The following CARS1 variants were observed in gnomAD, a reference collection of about 807,000 sequenced individuals.
CARS1 encodes cysteinyl-tRNA synthetase 1, also known as cysteine--tRNA ligase, cytoplasmic.
In CARS1, 48 loss-of-function variants were observed where a neutral mutation model predicts 106.2. That is an observed-to-expected ratio of 0.45 (90% CI 0.36 to 0.57). CARS1 has a LOEUF of 0.57. CARS1 is among the 20% of genes least tolerant of loss of function. The pLI, the probability that CARS1 is intolerant of heterozygous loss-of-function variation, is 0.00. For missense variants in CARS1, 968 were observed against 1,057.2 expected (o/e 0.92, Z 1.17); for synonymous variants, 409 against 403.4 (o/e 1.01, Z -0.17).
chr11:3,028,339 C>G lies in CARS1; in HGVS notation c.1031+657G>C. On this transcript the variant is annotated intron_variant, in intron 9 of 22. Coordinates refer to ENST00000380525, the MANE Select transcript of CARS1 (RefSeq NM_001014437.3). This position sits in a 1 kb window ranked among gnomAD's most constrained non-coding sequence, Gnocchi z 4.4. The stretch of plus-strand genomic sequence containing the variant: ...CCGCGTCTTGGTGGTAGTGGTCCCC[C>G]GGGCCCAGCTGTCTTCTCTTTTATC... 4 of 487,272 alleles carry G rather than the reference C, an allele frequency of 8.2e-6. No homozygotes were observed. Among genetic ancestry groups the G allele is most frequent in the Non-Finnish European group, 1.5e-5 (4 of 272,456 alleles). 30.2% of individuals were successfully genotyped at this position (487,272 alleles called of 1,614,324 possible).
At chr11:3,026,927 G>T in intron 9 of CARS1, 130 bp from the exon 10 acceptor site, 1 of 1,027,960 alleles carries the variant, frequency 9.7e-7, no homozygotes, top group Non-Finnish European at 1.4e-6. Flanking sequence ...CTCTGTGGTG[G>T]CCACTGAAAA....
At position 3,015,845 on chromosome 11, in the gene CARS1, A is replaced by G. The variant is rs1850937022; in HGVS notation, c.1922T>C (p.Phe641Ser). The change falls in exon 17 of 23, where the codon TTT becomes TCT. Residue 641 changes from phenylalanine to serine, a missense_variant. Phe to Ser is a radical substitution (Grantham distance 155). Transcript: ENST00000380525. ...GGAGCTGTCCTCTTCTACGGCCCCAAAGATCTAGGAAAAGAAACAGATGGG... is the reference window on the plus strand; with the variant it reads ...GGAGCTGTCCTCTTCTACGGCCCCAGAGATCTAGGAAAAGAAACAGATGGG... ...ALYLTHMLKI[F>S]GAVEEDSSLG... The G allele has an allele frequency of 6.2e-7, 1 of 1,613,916 alleles. No individual in the cohort carries two copies.
rs561678415 is a variant in CARS1 at position 3,021,776 on chromosome 11, A to C, written c.1154-1444T>G. Among the ~76,000 whole-genome samples the C allele has an allele frequency of 2.6e-5, 4 of 152,232 alleles. No homozygotes were observed. Among genetic ancestry groups the C allele is most frequent in the Admixed American group, 6.5e-5 (1 of 15,280 alleles). The stretch of plus-strand genomic sequence containing the variant: ...ATCCAGATCTATCCACCAACACGGA[A>C]GGCCGCTGTCCTGGCTTCCTTCTAC... On this transcript the variant is annotated intron_variant, in intron 10 of 22. Coordinates refer to ENST00000380525, the MANE Select transcript of CARS1 (RefSeq NM_001014437.3). This position sits in a 1 kb window ranked among gnomAD's most constrained non-coding sequence, Gnocchi z 5.3.
intron 9 of CARS1, 44 bp from the exon 10 acceptor site, chr11:3,026,841 C>A (rs568915202): frequency 1.3e-6 from 2 of 1,580,080 alleles, no homozygotes; most frequent in Admixed American, 1.8e-5. Flanking sequence ...CTAACAGACC[C>A]GAAAGTGTGT....
At chr11:3,056,582 C>A (rs1436613250) in intron 1 of CARS1, among the ~76,000 whole-genome samples, 1 of 152,144 alleles carries the variant, frequency 6.6e-6, no homozygotes, top group Non-Finnish European at 1.5e-5. Context: ...GGACTGCCTG[C>A]GGAACTGGAG....
rs368102604 is a variant in CARS1 at position 3,040,880 on chromosome 11, C to A, written c.455+16G>T. ...GCAACTGCAGAAGCTGCAGGGACAC[C>A]CCGCGGTGGACCTACCTGGCGTGCC... On this transcript the variant is annotated intron_variant, in intron 4 of 22. Transcript: ENST00000380525. This position sits in a 1 kb window ranked among gnomAD's most constrained non-coding sequence, Gnocchi z 5.8. 6.7e-5 allele frequency: 108 copies of A among 1,612,134 alleles called. No individual in the cohort carries two copies. Among genetic ancestry groups the A allele is most frequent in the Non-Finnish European group, 8.7e-5 (103 of 1,179,062 alleles).
chr11:3,009,382 G>A (rs1437211207), intron 18 of CARS1: 1 of 152,272 alleles, frequency 6.6e-6, no homozygotes, highest in East Asian at 1.9e-4. Context: ...GGTCCCTGGA[G>A]TAGTAAAATC....
chr11:3,009,954 C>A (rs974550971), intron 18 of CARS1, among the ~76,000 whole-genome samples: 1 of 152,182 alleles, frequency 6.6e-6, no homozygotes, highest in Non-Finnish European at 1.5e-5. Flanking sequence ...CACGCTGCCC[C>A]GTCGGAAGGT....
chr11:3,018,315 C>A (rs1031416856), intron 14 of CARS1, 93 bp downstream of exon 14: 5 of 800,260 alleles, frequency 6.2e-6, no homozygotes, highest in Non-Finnish European at 1.0e-5. Flanking sequence ...TTAGAGACAT[C>A]GGGAGGCTGG....
chr11:3,015,342 C>T (rs376605857), intron 17 of CARS1, among the ~76,000 whole-genome samples: 5 of 152,228 alleles, frequency 3.3e-5, no homozygotes, highest in African/African-American at 7.2e-5. Context: ...CCATGGGGAC[C>T]GAGGCAGACA....
chr11:3,038,065 G>A lies in CARS1; in HGVS notation c.786C>T (p.Val262=). The A allele has an allele frequency of 6.2e-7, 1 of 1,613,458 alleles. No individual in the cohort carries two copies. Among genetic ancestry groups the A allele is most frequent in the South Asian group, 1.1e-5 (1 of 91,066 alleles). ...GAAGCCTCACCTCCACACAGCTGTT[G>A]ACTTCCTCTCCCGTGAGTCTGGACT... is the stretch of plus-strand genomic sequence containing the variant. ...AVQSRLTGEE[V]NSCVEVLLEE... Residue 262 remains valine, a synonymous_variant, in exon 7 of 23, where the codon GTC becomes GTT. Transcript: ENST00000380525. The surrounding 1 kb of genome is among the most constrained non-coding windows in gnomAD (Gnocchi z 4.0).
At chr11:3,012,872 T>C (rs2134120743) in intron 17 of CARS1, among the ~76,000 whole-genome samples, 1 of 150,652 alleles carries the variant, frequency 6.6e-6, no homozygotes, top group East Asian at 1.9e-4. Context: ...AAAACCTTTC[T>C]ACTATATTTC....
Position 3,028,178 on chromosome 11 carries a change from G to A in CARS1, c.1031+818C>T, listed in dbSNP as rs1015337211. The A allele has an allele frequency of 3.2e-6, 1 of 315,246 alleles. No homozygotes were observed. Among genetic ancestry groups the A allele is most frequent in the Admixed American group, 4.5e-5 (1 of 22,318 alleles). 19.5% of individuals were successfully genotyped at this position (315,246 alleles called of 1,614,324 possible). A position where few individuals can be genotyped will look rare whatever the true frequency, so the allele number is the denominator to read the frequency against. On this transcript the variant is annotated intron_variant, in intron 9 of 22. Coordinates refer to ENST00000380525, the MANE Select transcript of CARS1 (RefSeq NM_001014437.3). This position sits in a 1 kb window ranked among gnomAD's most constrained non-coding sequence, Gnocchi z 4.4. ...CTGCCTTGGCTGCCAGGCAGGGAAG[G>A]GCCCCCTGTCCAGTGGACACGTGAC...
intron 16 of CARS1, among the ~76,000 whole-genome samples, chr11:3,016,762 G>A (rs1398889928): frequency 6.6e-6 from 1 of 152,010 alleles, no homozygotes; most frequent in Non-Finnish European, 1.5e-5. Context: ...ACAGGTGTGT[G>A]CCACCACACC....
Position 3,046,371 on chromosome 11 carries a change from G to C in CARS1, c.274+1382C>G, listed in dbSNP as rs1855079380. Among the ~76,000 whole-genome samples, 1 of 152,126 alleles carries C rather than the reference G, an allele frequency of 6.6e-6. No homozygotes were observed. The highest frequency in any genetic ancestry group is 2.1e-4 in the South Asian group (1 of 4,828). ...TGTCTTGGAATGGCACATGGCAGGG[G>C]GAACAACCTGACACCCGAGCCCTTG... On this transcript the variant is annotated intron_variant, in intron 2 of 22. Coordinates refer to ENST00000380525, the MANE Select transcript of CARS1 (RefSeq NM_001014437.3). This position sits in a 1 kb window ranked among gnomAD's most constrained non-coding sequence, Gnocchi z 5.8.
Position 3,041,027 on chromosome 11 carries a change from A to G in CARS1, c.367-43T>C, listed in dbSNP as rs1854380402. The G allele has an allele frequency of 4.3e-6, 7 of 1,614,066 alleles. No homozygotes were observed. The highest frequency in any genetic ancestry group is 5.9e-6 in the Non-Finnish European group (7 of 1,179,962). On this transcript the variant is annotated intron_variant, in intron 3 of 22. Coordinates refer to ENST00000380525, the MANE Select transcript of CARS1 (RefSeq NM_001014437.3). The surrounding 1 kb of genome is among the most constrained non-coding windows in gnomAD (Gnocchi z 4.9). Reference sequence around the variant, plus strand: ...GAATGACGATCACAAGAAATGCAAGAAACACTGCACAGGATTACCAAAAAC... The same window carrying G: ...GAATGACGATCACAAGAAATGCAAGGAACACTGCACAGGATTACCAAAAAC...
At chr11:3,013,177 G>A (rs1029019672) in intron 17 of CARS1, among the ~76,000 whole-genome samples, 2 of 149,460 alleles carry the variant, frequency 1.3e-5, no homozygotes, top group African/African-American at 2.5e-5. Context: ...TTTTTGAGAT[G>A]GAGTTTTGCT....
At position 3,042,438 on chromosome 11, in the gene CARS1, T is replaced by TC. The variant is rs2134266888; in HGVS notation, c.275-183_275-182insG. The TC allele has an allele frequency of 5.3e-6, 3 of 569,220 alleles. 1 individual carries two copies. The South Asian group carries it at 6.5e-5, about 12-fold the overall frequency. The allele number at this position is 569,220 out of a possible 1,614,324, so 35.3% of individuals were successfully genotyped here. A position where few individuals can be genotyped will look rare whatever the true frequency, so the allele number is the denominator to read the frequency against. ...GTCAAAGACAACTGCGTCTTTTTTT[T>TC]TTTTTAGACGGAGTCTCGCTCTGTC... On this transcript the variant is annotated intron_variant, in intron 2 of 22. Transcript: ENST00000380525.
intron 1 of CARS1, among the ~76,000 whole-genome samples, chr11:3,051,461 C>T (rs896785131): frequency 4.6e-5 from 7 of 152,074 alleles, no homozygotes; most frequent in African/African-American, 1.2e-4. Context: ...TCAGGGAGGA[C>T]GGAGGCGGAG....
Sources: allele counts gnomAD v4.1 joint callset (sites outside exome capture counted in the v4.1 genomes callset), GRCh38; gene constraint gnomAD v4.1.1; non-coding constraint Gnocchi (gnomAD v3.1); transcripts MANE v1.5; gene names NCBI Gene and HGNC (gene_info 2026-07-23, HGNC 2026-07-21).